Variants in RANBP2 observed in about 807,000 individuals in gnomAD.
RANBP2 encodes RAN binding protein 2, also known as E3 SUMO-protein ligase RanBP2.
A neutral mutation model predicts 303.6 loss-of-function variants in RANBP2; 57 were observed. That is an observed-to-expected ratio of 0.19 (90% CI 0.15 to 0.23). The LOEUF is 0.23. RANBP2 is among the 10% of genes least tolerant of loss of function. The pLI, the probability that RANBP2 is intolerant of heterozygous loss-of-function variation, is 1.00. For synonymous variants in RANBP2, 1,167 were observed against 1,301.5 expected, an observed-to-expected ratio of 0.90 and a Z score of 2.23; for missense variants, 3,138 against 3,780.8, an observed-to-expected ratio of 0.83 and a Z score of 4.46.
the RANBP2 span, among the ~76,000 whole-genome samples, chr2:109,042,561 A>G: frequency 6.6e-6 from 1 of 152,294 alleles, no homozygotes; most frequent in African/African-American, 2.4e-5. Context: ...TTTTCATTTT[A>G]GCCAGAGCAA....
At chr2:109,050,459 T>G in the RANBP2 span, among the ~76,000 whole-genome samples, 1 of 152,074 alleles carries the variant, frequency 6.6e-6, no homozygotes, top group Non-Finnish European at 1.5e-5. Flanking sequence ...CTCATGAGGT[T>G]GCCCAGGCTG....
chr2:108,906,259 A>G, the RANBP2 span: 5 of 1,597,886 alleles, frequency 3.1e-6, no homozygotes, highest in Non-Finnish European at 3.4e-6. Context: ...CCAGCCCTTC[A>G]TGTCGGTGGG....
chr2:109,203,756 A>G, the RANBP2 span, among the ~76,000 whole-genome samples: 2 of 152,094 alleles, frequency 1.3e-5, no homozygotes, highest in African/African-American at 4.8e-5. Context: ...CACAGAACCC[A>G]CATACCTTTC....
At chr2:109,132,558 T>C in the RANBP2 span, among the ~76,000 whole-genome samples, 2 of 152,178 alleles carry the variant, frequency 1.3e-5, no homozygotes, top group African/African-American at 2.4e-5. Flanking sequence ...CTGGAAATAA[T>C]ATACCCAGTG....
the RANBP2 span, among the ~76,000 whole-genome samples, chr2:109,194,183 C>T: frequency 1.3e-5 from 2 of 152,232 alleles, no homozygotes; most frequent in South Asian, 4.1e-4. Flanking sequence ...GGTTGGAATC[C>T]CTGAAACAGG....
the RANBP2 span, among the ~76,000 whole-genome samples, chr2:109,044,260 C>G: frequency 6.6e-6 from 1 of 152,028 alleles, no homozygotes; most frequent in South Asian, 2.1e-4. Context: ...GTGGCTCACT[C>G]CTGTAATCCC....
At chr2:108,921,031 C>T in the RANBP2 span, among the ~76,000 whole-genome samples, 1 of 152,214 alleles carries the variant, frequency 6.6e-6, no homozygotes, top group Admixed American at 6.5e-5. Flanking sequence ...TCACCCAGAC[C>T]TGATGAATCG....
the RANBP2 span, among the ~76,000 whole-genome samples, chr2:109,339,714 C>G: frequency 6.6e-6 from 1 of 152,172 alleles, no homozygotes; most frequent in Non-Finnish European, 1.5e-5. Flanking sequence ...TACCCATTAT[C>G]AGAACATGCC....
At chr2:109,624,100 A>AG in the RANBP2 span, among the ~76,000 whole-genome samples, 3 of 152,170 alleles carry the variant, frequency 2.0e-5, no homozygotes, top group East Asian at 5.8e-4. Flanking sequence ...GGGAGCATGG[A>AG]GGGTGGCCTG....
the RANBP2 span, among the ~76,000 whole-genome samples, chr2:108,915,620 C>T: frequency 2.0e-5 from 3 of 152,028 alleles, no homozygotes; most frequent in African/African-American, 4.8e-5. Context: ...AAAGAGCTGC[C>T]CAGGCACGGT....
the RANBP2 span, among the ~76,000 whole-genome samples, chr2:109,641,735 C>T: frequency 0.43 from 62,725 of 146,208 alleles, 13,994 homozygotes; most frequent in Middle Eastern, 0.59. Flanking sequence ...ATTTACAGTT[C>T]TTGCTCCACC....
chr2:108,784,006 G>A lies in RANBP2; in HGVS notation c.*105G>A, dbSNP rs1251983845. The A allele has an allele frequency of 1.2e-5, 13 of 1,113,338 alleles. No individual in the cohort carries two copies. The highest frequency in any genetic ancestry group is 2.9e-4 in the Middle Eastern group (1 of 3,480). 69.0% of individuals were successfully genotyped at this position (1,113,338 alleles called of 1,614,324 possible). The stretch of plus-strand genomic sequence containing the variant: ...TCAGCTTTTGAAAATGGACGTTTCC[G>A]ATTTACAAATGTAAAATTGCAGCTT... On this transcript the variant is annotated 3_prime_UTR_variant, in exon 29 of 29. Coordinates refer to ENST00000283195, the MANE Select transcript of RANBP2 (RefSeq NM_006267.5).
the RANBP2 span, among the ~76,000 whole-genome samples, chr2:109,230,160 G>T: frequency 6.6e-6 from 1 of 151,826 alleles, no homozygotes; most frequent in African/African-American, 2.4e-5. Context: ...CTAATATTCC[G>T]TCGTATGGAT....
chr2:109,669,611 A>G, the RANBP2 span, among the ~76,000 whole-genome samples: 1 of 152,214 alleles, frequency 6.6e-6, no homozygotes, highest in South Asian at 2.1e-4. Context: ...CAGAACGGCC[A>G]CTATGAACAC....
the RANBP2 span, among the ~76,000 whole-genome samples, chr2:109,301,346 G>A: frequency 7.5e-6 from 1 of 133,140 alleles, no homozygotes; most frequent in Non-Finnish European, 1.6e-5. Context: ...GTGTGTGTGT[G>A]TGTGTGTTTG....
chr2:109,281,555 T>C, the RANBP2 span, among the ~76,000 whole-genome samples: 3 of 152,164 alleles, frequency 2.0e-5, no homozygotes, highest in Non-Finnish European at 4.4e-5. Context: ...GGAGGGTGAT[T>C]CACTGTGGGA....
the RANBP2 span, among the ~76,000 whole-genome samples, chr2:109,387,863 G>C: frequency 1.5e-4 from 23 of 152,020 alleles, no homozygotes; most frequent in African/African-American, 5.3e-4. Context: ...ATGGTTGGGG[G>C]GGGGGTCTCC....
the RANBP2 span, among the ~76,000 whole-genome samples, chr2:109,694,523 C>G: frequency 6.6e-6 from 1 of 151,720 alleles, no homozygotes; most frequent in East Asian, 1.9e-4. Context: ...CCTGCCTGAA[C>G]TGGTAAGCAT....
the RANBP2 span, among the ~76,000 whole-genome samples, chr2:109,218,484 G>A: frequency 1.3e-5 from 2 of 152,182 alleles, no homozygotes; most frequent in Admixed American, 6.5e-5. Context: ...ATGTGGTGCT[G>A]CTTATTAGGC....
Sources: gnomAD v4.1 joint callset for allele counts (sites outside exome capture counted in the v4.1 genomes callset) on GRCh38, gnomAD v4.1.1 for gene constraint, MANE v1.5 for transcripts, NCBI Gene and HGNC (gene_info 2026-07-23, HGNC 2026-07-21) for gene names.